DTD1: variants seen among roughly 807,000 people sequenced by gnomAD.
DTD1 encodes the protein D-tyrosyl-tRNA deacylase 1 homolog.
A neutral mutation model predicts 25.6 loss-of-function variants in DTD1; 13 were observed. That is an observed-to-expected ratio of 0.51 (90% CI 0.33 to 0.81). The LOEUF (loss-of-function observed/expected upper bound fraction) is 0.81. Ranked by LOEUF, DTD1 falls within the 30% of genes least tolerant of loss-of-function variation. DTD1 has a pLI of 0.02. For synonymous variants in DTD1, 110 were observed against 103.6 expected (o/e 1.06, Z -0.37); for missense variants, 193 against 266.4 (o/e 0.72, Z 1.92).
chr20:18,621,375 G>T (rs2060733373), intron 3 of DTD1, among the ~76,000 whole-genome samples: 1 of 152,130 alleles, frequency 6.6e-6, no homozygotes, highest in Non-Finnish European at 1.5e-5. Flanking sequence ...CTCATTATTT[G>T]CCAGATTTTT....
chr20:18,598,074 T>G lies in DTD1; in HGVS notation c.370+1833T>G, dbSNP rs2060618949. Among the ~76,000 whole-genome samples the G allele has an allele frequency of 2.0e-5, 3 of 152,194 alleles. No individual in the cohort carries two copies. The South Asian group carries it at 6.2e-4, about 32-fold the overall frequency. ...CAGTTTTGTTACATAGGTATACATG[T>G]GCCATAGTGGTTTGCTGCATCCATC... is the stretch of plus-strand genomic sequence containing the variant. On this transcript the variant is annotated intron_variant, in intron 3 of 5. Coordinates refer to ENST00000377452, the MANE Select transcript of DTD1 (RefSeq NM_080820.6).
intron 4 of DTD1, among the ~76,000 whole-genome samples, chr20:18,647,452 C>A (rs111618875): frequency 6.6e-6 from 1 of 152,018 alleles, no homozygotes; most frequent in Non-Finnish European, 1.5e-5. Flanking sequence ...GGGGCTTGGT[C>A]GTCAGAATAG....
chr20:18,707,239 C>T (rs2061130310), intron 4 of DTD1, among the ~76,000 whole-genome samples: 1 of 152,228 alleles, frequency 6.6e-6, no homozygotes, highest in African/African-American at 2.4e-5. Context: ...ATAAATAAAG[C>T]ACATGATCAT....
At chr20:18,689,657 A>G (rs2061033901) in intron 4 of DTD1, among the ~76,000 whole-genome samples, 1 of 152,106 alleles carries the variant, frequency 6.6e-6, no homozygotes, top group African/African-American at 2.4e-5. Context: ...AAAAACCATA[A>G]TGACTTTATT....
At chr20:18,672,891 C>T (rs184475255) in intron 4 of DTD1, among the ~76,000 whole-genome samples, 55 of 152,270 alleles carry the variant, frequency 3.6e-4, no homozygotes, top group Non-Finnish European at 7.2e-4. Context: ...AGGTGCTGTT[C>T]AGTTCATAAT....
chr20:18,708,942 TG>T (rs2061147311), intron 4 of DTD1, among the ~76,000 whole-genome samples: 2 of 152,182 alleles, frequency 1.3e-5, no homozygotes, highest in Non-Finnish European at 2.9e-5. Flanking sequence ...GGGTTTGCAG[TG>T]CAAATACAGC....
At chr20:18,718,783 T>C (rs2061191605) in intron 4 of DTD1, among the ~76,000 whole-genome samples, 1 of 152,214 alleles carries the variant, frequency 6.6e-6, no homozygotes, top group South Asian at 2.1e-4. Flanking sequence ...AGCTATTAGT[T>C]AGCCCTCTCT....
chr20:18,747,230 C>T (rs902128989), intron 5 of DTD1, among the ~76,000 whole-genome samples: 1 of 152,166 alleles, frequency 6.6e-6, no homozygotes, highest in Non-Finnish European at 1.5e-5. Context: ...AGAAACTCAT[C>T]GAGGTCTTCT....
At chr20:18,731,637 G>A (rs1173933496) in intron 4 of DTD1, among the ~76,000 whole-genome samples, 1 of 151,934 alleles carries the variant, frequency 6.6e-6, no homozygotes, top group Non-Finnish European at 1.5e-5. Flanking sequence ...ATTAAAATTT[G>A]ACATTATTTT....
chr20:18,728,290 C>A (rs1270543179), intron 4 of DTD1, among the ~76,000 whole-genome samples: 1 of 152,016 alleles, frequency 6.6e-6, no homozygotes, highest in Non-Finnish European at 1.5e-5. Flanking sequence ...GGCTTCTGGT[C>A]AGTGGCACAG....
chr20:18,624,191 A>G (rs1462170284), intron 3 of DTD1, among the ~76,000 whole-genome samples: 3 of 152,156 alleles, frequency 2.0e-5, no homozygotes, highest in African/African-American at 7.2e-5. Flanking sequence ...GTGAAGACTT[A>G]TTCCCTAGGC....
Position 18,744,149 on chromosome 20 carries a change from A to G in DTD1, c.527A>G (p.Lys176Arg), listed in dbSNP as rs770619409. The G allele has an allele frequency of 3.7e-6, 6 of 1,612,214 alleles. No homozygotes were observed. The African/African-American group carries it at 8.0e-5, about 22-fold the overall frequency. Residue 176 changes from lysine to arginine, a missense_variant, in exon 5 of 6, where the codon AAG (lysine) becomes AGG (arginine). Lys to Arg is a conservative substitution (Grantham distance 26, BLOSUM62 2). Transcript: ENST00000377452. The part of the protein sequence containing the change: ...QQQRKEKTRA[K>R]GPSESSKERN... Reference sequence around the variant, plus strand: ...CAGAGGAAAGAAAAGACCAGAGCTAAGGGACCTTCTGAATCAAGCAAGGAA... The same window carrying G: ...CAGAGGAAAGAAAAGACCAGAGCTAGGGGACCTTCTGAATCAAGCAAGGAA...
intron 4 of DTD1, among the ~76,000 whole-genome samples, chr20:18,681,257 G>A (rs2060995680): frequency 6.6e-6 from 1 of 152,206 alleles, no homozygotes. Flanking sequence ...ACGCTGAGCT[G>A]TCTGTCCATT....
intron 4 of DTD1, among the ~76,000 whole-genome samples, chr20:18,727,188 A>G (rs1367932219): frequency 6.6e-6 from 1 of 152,136 alleles, no homozygotes; most frequent in Non-Finnish European, 1.5e-5. Context: ...TGAGCTTTGG[A>G]GCTGCATGAC....
chr20:18,690,152 A>T (rs1054722709), intron 4 of DTD1, among the ~76,000 whole-genome samples: 43 of 150,754 alleles, frequency 2.9e-4, no homozygotes, highest in African/African-American at 8.5e-4. Flanking sequence ...AAAAAAAAAA[A>T]AATTAAAAAA....
chr20:18,705,169 C>T (rs985123309), intron 4 of DTD1, among the ~76,000 whole-genome samples: 34 of 152,138 alleles, frequency 2.2e-4, no homozygotes, highest in African/African-American at 7.7e-4. Flanking sequence ...AGTATTGGTG[C>T]TGTTTTAAGG....
At chr20:18,721,186 A>G (rs1442863296) in intron 4 of DTD1, among the ~76,000 whole-genome samples, 1 of 152,194 alleles carries the variant, frequency 6.6e-6, no homozygotes, top group Non-Finnish European at 1.5e-5. Context: ...TTCACCATCC[A>G]GATGGTGACT....
intron 5 of DTD1, among the ~76,000 whole-genome samples, chr20:18,753,481 G>A (rs183231458): frequency 2.1e-4 from 32 of 151,864 alleles, no homozygotes; most frequent in African/African-American, 7.5e-4. Context: ...GGTAGTGTAC[G>A]CCTGTAATCC....
At chr20:18,750,499 C>T (rs1294505345) in intron 5 of DTD1, among the ~76,000 whole-genome samples, 2 of 152,052 alleles carry the variant, frequency 1.3e-5, no homozygotes, top group Non-Finnish European at 2.9e-5. Context: ...AAAGAAAAGG[C>T]AAAAGAAAAT....
Sources: allele counts gnomAD v4.1 joint callset (sites outside exome capture counted in the v4.1 genomes callset), GRCh38; gene constraint gnomAD v4.1.1; transcripts MANE v1.5; gene names NCBI Gene and HGNC (gene_info 2026-07-23, HGNC 2026-07-21).